The following ATP6V0A4 variants were observed in gnomAD, a reference collection of about 807,000 sequenced individuals.
ATP6V0A4 encodes the protein ATPase H+ transporting V0 subunit a4, also known as V-type proton ATPase 116 kDa subunit a 4.
ATP6V0A4 carries 86 observed loss-of-function variants against 107.3 expected under a neutral mutation model. That is an observed-to-expected ratio of 0.80 (90% confidence interval 0.67 to 0.96). The LOEUF is 0.96. Among genes scored for constraint, ATP6V0A4 ranks in the 40% least tolerant of loss-of-function variants. ATP6V0A4 has a pLI of 0.00. For synonymous variants in ATP6V0A4, 353 were observed against 381.4 expected, an observed-to-expected ratio of 0.93 and a Z score of 0.87; for missense variants, 908 against 1,045.6, an observed-to-expected ratio of 0.87 and a Z score of 1.81.
At chr7:138,738,341 G>A (rs1805451415) in intron 15 of ATP6V0A4, among the ~76,000 whole-genome samples, 1 of 152,144 alleles carries the variant, frequency 6.6e-6, no homozygotes. Context: ...CTGAGGAGCA[G>A]AAATGGACAG....
intron 1 of ATP6V0A4, among the ~76,000 whole-genome samples, chr7:138,793,975 A>G (rs995787113): frequency 6.6e-6 from 1 of 152,162 alleles, no homozygotes; most frequent in Admixed American, 6.5e-5. Context: ...ACTTTGATCA[A>G]CTAACTCTAT....
intron 1 of ATP6V0A4, among the ~76,000 whole-genome samples, chr7:138,795,817 G>GTT (rs34865936): frequency 7.3e-5 from 11 of 151,026 alleles, no homozygotes; most frequent in Non-Finnish European, 1.0e-4. Flanking sequence ...ATTTTTTTGT[G>GTT]TTTTTTTTTG....
At chr7:138,752,883 C>T in intron 10 of ATP6V0A4, 46 bp from the exon 11 acceptor site, 1 of 1,606,190 alleles carries the variant, frequency 6.2e-7, no homozygotes, top group Non-Finnish European at 8.5e-7. Flanking sequence ...CTTCACAGAG[C>T]TGTTTGACAA....
At chr7:138,718,674 G>C (rs1472997682) in intron 19 of ATP6V0A4, among the ~76,000 whole-genome samples, 1 of 7,722 alleles carries the variant, frequency 1.3e-4, no homozygotes. Flanking sequence ...AGGAATTCGG[G>C]GCGGGGGGGG....
intron 14 of ATP6V0A4, among the ~76,000 whole-genome samples, chr7:138,740,230 A>G (rs1805556442): frequency 6.6e-6 from 1 of 152,046 alleles, no homozygotes; most frequent in Non-Finnish European, 1.5e-5. Flanking sequence ...ACAGGAAAGA[A>G]ACCCCAGCCC....
intron 21 of ATP6V0A4, among the ~76,000 whole-genome samples, chr7:138,707,767 C>G (rs1803521421): frequency 6.6e-6 from 1 of 150,850 alleles, no homozygotes. Flanking sequence ...CTTCCCCTCC[C>G]CTTCATTTCC....
chr7:138,736,029 T>C (rs981290634), intron 15 of ATP6V0A4, among the ~76,000 whole-genome samples: 1 of 151,742 alleles, frequency 6.6e-6, no homozygotes, highest in Non-Finnish European at 1.5e-5. Context: ...GATCGCACAA[T>C]TGCACTCCAG....
chr7:138,748,902 A>G lies in ATP6V0A4; in HGVS notation c.1180+265T>C, dbSNP rs577521719. 5.9e-5 allele frequency among the ~76,000 whole-genome samples: 9 copies of G among 152,320 alleles called. No homozygotes were observed. In the East Asian group the frequency reaches 1.7e-3, roughly 29 times the overall value. ...GGCTGCCTGATGAGGTTGCAGTTTAAGGGTGCACAGGTGAAGACAAAGAAC... is the reference window on the plus strand; with the variant it reads ...GGCTGCCTGATGAGGTTGCAGTTTAGGGGTGCACAGGTGAAGACAAAGAAC... On this transcript the variant is annotated intron_variant, in intron 12 of 21. Transcript: ENST00000310018.
chr7:138,756,597 T>C, intron 8 of ATP6V0A4, 57 bp from the exon 9 acceptor site: 1 of 1,577,540 alleles, frequency 6.3e-7, no homozygotes, highest in Non-Finnish European at 8.6e-7. Flanking sequence ...GGTTAAAACA[T>C]AATAGAGAGA....
At chr7:138,724,080 C>G (rs1418357766) in intron 18 of ATP6V0A4, among the ~76,000 whole-genome samples, 1 of 146,522 alleles carries the variant, frequency 6.8e-6, no homozygotes, top group South Asian at 2.2e-4. Flanking sequence ...GTCCCAACTA[C>G]ATAGGAGGCT....
At chr7:138,723,523 C>CT (rs10528520) in intron 18 of ATP6V0A4, among the ~76,000 whole-genome samples, 34,043 of 126,492 alleles carry the variant, frequency 0.27, 5,162 homozygotes, top group Non-Finnish European at 0.33. Flanking sequence ...TCTTTCTTTT[C>CT]TTTTTTTTTT....
intron 18 of ATP6V0A4, among the ~76,000 whole-genome samples, chr7:138,727,204 G>A (rs778780781): frequency 1.3e-5 from 2 of 151,800 alleles, no homozygotes; most frequent in East Asian, 1.9e-4. Flanking sequence ...GCTTGAGCCC[G>A]GGAGTCGGAG....
At chr7:138,735,895 C>A (rs116435351) in intron 15 of ATP6V0A4, among the ~76,000 whole-genome samples, 7 of 31,502 alleles carry the variant, frequency 2.2e-4, no homozygotes, top group African/African-American at 8.2e-4. Context: ...CCCGTCTCTA[C>A]AAAAGCTTTT....
intron 2 of ATP6V0A4, among the ~76,000 whole-genome samples, chr7:138,785,267 CTTTCTTT>C (rs1808125704): frequency 1.4e-5 from 2 of 145,280 alleles, no homozygotes; most frequent in Non-Finnish European, 3.0e-5. Context: ...ATACTTCTCA[CTTTCTTT>C]TTTCTTTTTT....
chr7:138,717,110 C>T (rs1804080163), intron 19 of ATP6V0A4, among the ~76,000 whole-genome samples: 2 of 152,190 alleles, frequency 1.3e-5, no homozygotes, highest in Non-Finnish European at 2.9e-5. Flanking sequence ...TGGCTCTCCA[C>T]ATGCTGAGTT....
chr7:138,738,002 T>C (rs1216398500), intron 15 of ATP6V0A4, among the ~76,000 whole-genome samples: 2 of 131,256 alleles, frequency 1.5e-5, no homozygotes, highest in Non-Finnish European at 3.2e-5. Flanking sequence ...CCTCAAGTGA[T>C]CCACCCGCCT....
intron 14 of ATP6V0A4, among the ~76,000 whole-genome samples, chr7:138,742,260 C>CTA (rs1449736177): frequency 1.3e-5 from 2 of 151,986 alleles, no homozygotes; most frequent in African/African-American, 4.8e-5. Context: ...AACCCCGTCT[C>CTA]TACTAAAAAT....
At chr7:138,724,087 G>T (rs192885302) in intron 18 of ATP6V0A4, among the ~76,000 whole-genome samples, 1 of 150,796 alleles carries the variant, frequency 6.6e-6, no homozygotes, top group African/African-American at 2.4e-5. Context: ...CTACATAGGA[G>T]GCTAGGACAG....
At chr7:138,794,564 T>C (rs3778689) in intron 1 of ATP6V0A4, among the ~76,000 whole-genome samples, 71,002 of 151,872 alleles carry the variant, frequency 0.47, 16,741 homozygotes, top group South Asian at 0.6. Context: ...TCTTGGCTAC[T>C]CCTCTCTCCA....
Sources: gnomAD v4.1 joint callset for allele counts (sites outside exome capture counted in the v4.1 genomes callset) on GRCh38, gnomAD v4.1.1 for gene constraint, MANE v1.5 for transcripts, NCBI Gene and HGNC (gene_info 2026-07-23, HGNC 2026-07-21) for gene names.